Variants in KLHL18 observed in about 807,000 individuals in gnomAD.
The protein encoded by KLHL18 is kelch like family member 18.
KLHL18 carries 38 observed loss-of-function variants against 58.5 expected under a neutral mutation model. The observed-to-expected ratio is 0.65, with a 90% CI of 0.50 to 0.85. The LOEUF (loss-of-function observed/expected upper bound fraction) is 0.85, where lower values mean the gene tolerates loss of function less well. Among genes scored for constraint, KLHL18 ranks in the 40% least tolerant of loss-of-function variants. KLHL18 has a pLI of 0.00. For missense variants in KLHL18, 624 were observed against 778.4 expected (o/e 0.80, Z 2.36); for synonymous variants, 303 against 301.9 (o/e 1.00, Z -0.04).
intron 4 of KLHL18, among the ~76,000 whole-genome samples, chr3:47,330,702 T>G (rs1351471264): frequency 6.6e-6 from 1 of 152,242 alleles, no homozygotes; most frequent in Non-Finnish European, 1.5e-5. Flanking sequence ...ATAATCCTCC[T>G]GTGAACCAGA....
intron 8 of KLHL18, among the ~76,000 whole-genome samples, chr3:47,341,796 G>A (rs755057517): frequency 6.6e-5 from 10 of 151,300 alleles, no homozygotes; most frequent in Non-Finnish European, 2.9e-5. Flanking sequence ...AGTGGCTCAC[G>A]CCTGTAATCC....
intron 1 of KLHL18, among the ~76,000 whole-genome samples, chr3:47,313,732 C>T (rs926213449): frequency 2.6e-5 from 4 of 152,002 alleles, no homozygotes; most frequent in African/African-American, 9.7e-5. Context: ...ATTTTTTTCT[C>T]AATTGACTGA....
chr3:47,309,271 A>G (rs1261422972), intron 1 of KLHL18, among the ~76,000 whole-genome samples: 1 of 152,208 alleles, frequency 6.6e-6, no homozygotes, highest in African/African-American at 2.4e-5. Context: ...CCCGTTCTCA[A>G]TGAGCTGTTG....
intron 3 of KLHL18, among the ~76,000 whole-genome samples, chr3:47,325,695 C>T (rs577034321): frequency 6.6e-6 from 1 of 152,194 alleles, no homozygotes; most frequent in East Asian, 1.9e-4. Flanking sequence ...TTGACTTTTT[C>T]TGGTGGCCCT....
intron 1 of KLHL18, among the ~76,000 whole-genome samples, chr3:47,285,048 C>G (rs1425019882): frequency 6.6e-6 from 1 of 151,812 alleles, no homozygotes; most frequent in East Asian, 1.9e-4. Flanking sequence ...CTCCTGACCT[C>G]GTGATCCGCC....
intron 1 of KLHL18, among the ~76,000 whole-genome samples, chr3:47,296,356 C>T (rs1057026651): frequency 2.0e-5 from 3 of 152,130 alleles, no homozygotes; most frequent in Non-Finnish European, 4.4e-5. Context: ...TTAACTAACC[C>T]CTGACCTTAT....
chr3:47,334,859 T>A lies in KLHL18; in HGVS notation c.898+40T>A. The A allele has an allele frequency of 6.4e-7, 1 of 1,568,446 alleles. No individual in the cohort carries two copies. The highest frequency in any genetic ancestry group is 8.7e-7 in the Non-Finnish European group (1 of 1,153,700). On this transcript the variant is annotated intron_variant, in intron 6 of 9. Transcript: ENST00000232766. The surrounding 1 kb of genome is among the most constrained non-coding windows in gnomAD (Gnocchi z 4.7). Reference sequence around the variant, plus strand: ...CCCTTTATAGACCCTCCTCTTGGACTCCATGGATGAGGAAGCACCAGACAA... The same window carrying A: ...CCCTTTATAGACCCTCCTCTTGGACACCATGGATGAGGAAGCACCAGACAA...
At chr3:47,298,529 CCAGGAAA>C (rs1702946732) in intron 1 of KLHL18, among the ~76,000 whole-genome samples, 1 of 152,034 alleles carries the variant, frequency 6.6e-6, no homozygotes, top group Non-Finnish European at 1.5e-5. Flanking sequence ...TCTGACTATT[CCAGGAAA>C]CATGAAACAT....
chr3:47,297,797 T>C, intron 1 of KLHL18: 1 of 354,510 alleles, frequency 2.8e-6, no homozygotes, highest in Non-Finnish European at 5.6e-6. Context: ...TACTAGGATA[T>C]AACCTTCCTT....
At chr3:47,326,072 G>A (rs901802889) in intron 3 of KLHL18, among the ~76,000 whole-genome samples, 7 of 151,986 alleles carry the variant, frequency 4.6e-5, no homozygotes, top group African/African-American at 1.2e-4. Flanking sequence ...CTCAGCCTCC[G>A]GAGCAGCTGG....
chr3:47,323,700 G>A (rs921096772), intron 3 of KLHL18, among the ~76,000 whole-genome samples: 9 of 152,144 alleles, frequency 5.9e-5, no homozygotes, highest in Non-Finnish European at 1.3e-4. Flanking sequence ...ACAGGCAGGA[G>A]GACCCCAAAC....
chr3:47,300,287 T>TTATATATATATA (rs1207306389), intron 1 of KLHL18, among the ~76,000 whole-genome samples: 3,480 of 132,914 alleles, frequency 0.026, 51 homozygotes, highest in Non-Finnish European at 0.036. Flanking sequence ...CACCGGCATT[T>TTATATATATATA]TATATATATA....
At chr3:47,291,575 TG>T (rs1393248558) in intron 1 of KLHL18, among the ~76,000 whole-genome samples, 1 of 152,206 alleles carries the variant, frequency 6.6e-6, no homozygotes, top group African/African-American at 2.4e-5. Flanking sequence ...AATGTATAAA[TG>T]AATGGGTGTG....
Position 47,334,798 on chromosome 3 carries a change from G to C in KLHL18, c.877G>C (p.Val293Leu), listed in dbSNP as rs752688263. 1.2e-6 allele frequency: 2 copies of C among 1,613,782 alleles called. No individual in the cohort carries two copies. The highest frequency in any genetic ancestry group is 4.5e-5 in the East Asian group (2 of 44,878). Residue 293 changes from valine to leucine, a missense_variant, in exon 6 of 10, where the codon GTA becomes CTA. Physicochemically the swap from Val to Leu is conservative, Grantham distance 32 (BLOSUM62 1). Transcript: ENST00000232766. This position sits in a 1 kb window ranked among gnomAD's most constrained non-coding sequence, Gnocchi z 4.7. Reference protein sequence around the residue: ...CTSIAGLIYAVGGLNSAGDSL... With the variant: ...CTSIAGLIYALGGLNSAGDSL... Reference sequence around the variant, plus strand: ...ATCCATCGCTGGACTTATCTACGCTGTAGGGGGCCTCAACTCAGCAGGTAC... The same window carrying C: ...ATCCATCGCTGGACTTATCTACGCTCTAGGGGGCCTCAACTCAGCAGGTAC...
chr3:47,316,291 T>G (rs912400603), intron 1 of KLHL18, among the ~76,000 whole-genome samples: 2 of 151,748 alleles, frequency 1.3e-5, no homozygotes, highest in African/African-American at 4.8e-5. Context: ...AGTTACATAC[T>G]TAGAGTTAGG....
At chr3:47,337,290 A>G (rs1704008621) in intron 7 of KLHL18, 1 of 164,262 alleles carries the variant, frequency 6.1e-6, no homozygotes, top group Non-Finnish European at 1.3e-5. Flanking sequence ...CCCAGACAGG[A>G]GCACATAGGT....
chr3:47,341,870 C>T (rs1263163931), intron 8 of KLHL18, among the ~76,000 whole-genome samples: 1 of 129,202 alleles, frequency 7.7e-6, no homozygotes, highest in Non-Finnish European at 1.6e-5. Flanking sequence ...CCAGCCTAGG[C>T]AACATAAGAG....
chr3:47,325,372 T>G (rs1223252746), intron 3 of KLHL18, among the ~76,000 whole-genome samples: 1 of 152,092 alleles, frequency 6.6e-6, no homozygotes, highest in Non-Finnish European at 1.5e-5. Flanking sequence ...TAATTTTTTG[T>G]ACTTTTAGTA....
chr3:47,297,594 A>C (rs1184922897), intron 1 of KLHL18: 1 of 456,620 alleles, frequency 2.2e-6, no homozygotes, highest in Non-Finnish European at 4.4e-6. Flanking sequence ...TGAGAAGGTC[A>C]TGCTTTTCCA....
Sources: gnomAD v4.1 joint callset for allele counts (sites outside exome capture counted in the v4.1 genomes callset) on GRCh38, gnomAD v4.1.1 for gene constraint, Gnocchi (gnomAD v3.1) non-coding constraint, MANE v1.5 for transcripts, NCBI Gene and HGNC (gene_info 2026-07-23, HGNC 2026-07-21) for gene names.